Variants in STIM2 observed in about 807,000 individuals in gnomAD.
The protein encoded by STIM2 is stromal interaction molecule 2.
STIM2 carries 31 observed loss-of-function variants against 85.8 expected under a neutral mutation model. The ratio of observed to expected loss-of-function variants is 0.36; its 90% CI spans 0.27 to 0.49. The LOEUF (loss-of-function observed/expected upper bound fraction) is 0.49, where lower values mean the gene tolerates loss of function less well. STIM2 is among the 20% of genes least tolerant of loss of function. The pLI is 0.98. For missense variants in STIM2, 841 were observed against 927.6 expected (o/e 0.91, Z 1.21); for synonymous variants, 356 against 331.1 (o/e 1.08, Z -0.82).
At chr4:26,933,275 A>T (rs1725268883) in intron 2 of STIM2, among the ~76,000 whole-genome samples, 1 of 152,222 alleles carries the variant, frequency 6.6e-6, no homozygotes, top group East Asian at 1.9e-4. Context: ...ACTTAAAGGT[A>T]AATATTAAGG....
intron 1 of STIM2, among the ~76,000 whole-genome samples, chr4:26,893,911 CAG>C (rs1463879045): frequency 4.0e-5 from 6 of 151,814 alleles, no homozygotes; most frequent in Admixed American, 2.6e-4. Flanking sequence ...TTTTTTGAGA[CAG>C]AGTCTTGTTG....
chr4:26,907,915 T>C (rs1724189615), intron 1 of STIM2, among the ~76,000 whole-genome samples: 1 of 152,234 alleles, frequency 6.6e-6, no homozygotes, highest in African/African-American at 2.4e-5. Context: ...GATTCTCCCC[T>C]CTTCCCTTAT....
In STIM2 at chr4:26,976,382, C is replaced by CTT. The variant is rs35434321; in HGVS notation, c.397+18675_397+18676dup. ...GTTCCTATTCGGCCATCTTGGGAGT[C>CTT]TTTTTTTTTTTTTTTTTTTTAGTGG... is the stretch of plus-strand genomic sequence containing the variant. On this transcript the variant is annotated intron_variant, in intron 3 of 11. Coordinates refer to ENST00000467087, the MANE Select transcript of STIM2 (RefSeq NM_020860.4). Among the ~76,000 whole-genome samples the CTT allele has an allele frequency of 6.2e-3, 725 of 116,930 alleles. 13 individuals carry two copies. The highest frequency in any genetic ancestry group is 0.014 in the South Asian group (48 of 3,404). 76.7% of individuals were successfully genotyped at this position (116,930 alleles called of 152,430 possible).
chr4:26,994,855 C>T (rs1010799257), intron 3 of STIM2, among the ~76,000 whole-genome samples: 3 of 152,066 alleles, frequency 2.0e-5, no homozygotes, highest in Non-Finnish European at 4.4e-5. Context: ...GACATCTTTC[C>T]TGCTTTTCTT....
chr4:26,899,177 T>C (rs981798758), intron 1 of STIM2, among the ~76,000 whole-genome samples: 1 of 152,100 alleles, frequency 6.6e-6, no homozygotes, highest in Admixed American at 6.5e-5. Flanking sequence ...CTGTTTTACG[T>C]CTATTCCCAT....
intron 3 of STIM2, among the ~76,000 whole-genome samples, chr4:26,969,393 T>C (rs1230840941): frequency 6.6e-6 from 1 of 152,222 alleles, no homozygotes; most frequent in Non-Finnish European, 1.5e-5. Flanking sequence ...TGTAAGCATA[T>C]AGAATTCTAA....
rs758359161 is a variant in STIM2 at position 26,919,654 on chromosome 4, C to G, written c.282+20C>G. On this transcript the variant is annotated intron_variant, in intron 2 of 11. Coordinates refer to ENST00000467087, the MANE Select transcript of STIM2 (RefSeq NM_020860.4). ...GATGAAGTAGGTGGAAAAATGTTTT[C>G]CTTGCTATTGTCTTAGAACAGAATG... 2 of 1,612,706 alleles carry G rather than the reference C, an allele frequency of 1.2e-6. No homozygotes were observed. The highest frequency in any genetic ancestry group is 4.5e-5 in the East Asian group (2 of 44,748).
intron 1 of STIM2, among the ~76,000 whole-genome samples, chr4:26,872,347 A>G (rs1722654993): frequency 6.6e-6 from 1 of 152,124 alleles, no homozygotes. Flanking sequence ...GTCATTTTGT[A>G]CCTTTATTAT....
intron 10 of STIM2, among the ~76,000 whole-genome samples, chr4:27,009,790 T>G (rs1397057851): frequency 6.6e-6 from 1 of 152,194 alleles, no homozygotes; most frequent in Non-Finnish European, 1.5e-5. Context: ...TATTCTCAGT[T>G]TGTATTTGTT....
intron 3 of STIM2, among the ~76,000 whole-genome samples, chr4:26,993,144 T>G (rs915734444): frequency 1.5e-4 from 23 of 151,790 alleles, no homozygotes; most frequent in African/African-American, 5.1e-4. Flanking sequence ...GCACCATGAG[T>G]TTTTTGGCAG....
chr4:27,009,091 T>C (rs2109137488), intron 10 of STIM2, 89 bp downstream of exon 10: 1 of 1,173,566 alleles, frequency 8.5e-7, no homozygotes, highest in Non-Finnish European at 1.2e-6. Context: ...CTTCGAAATC[T>C]GTGAGAAAAA....
intron 3 of STIM2, among the ~76,000 whole-genome samples, chr4:26,993,790 T>G (rs1370790923): frequency 6.6e-6 from 1 of 152,192 alleles, no homozygotes; most frequent in Non-Finnish European, 1.5e-5. Context: ...ATATCTTTAC[T>G]GTTATTTAGT....
chr4:26,910,552 A>G (rs1724298599), intron 1 of STIM2, among the ~76,000 whole-genome samples: 1 of 151,964 alleles, frequency 6.6e-6, no homozygotes, highest in South Asian at 2.1e-4. Flanking sequence ...AACAAACAAA[A>G]AGCCAAACTA....
chr4:26,999,181 T>C (rs115426657), intron 4 of STIM2, 51 bp from the exon 5 acceptor site: 18,912 of 775,800 alleles, frequency 0.024, 301 homozygotes, highest in Admixed American at 0.03. Flanking sequence ...ATACTAGAAA[T>C]ATTTTCATTT....
intron 3 of STIM2, among the ~76,000 whole-genome samples, chr4:26,962,720 C>T (rs1726528955): frequency 6.6e-6 from 1 of 152,048 alleles, no homozygotes; most frequent in Non-Finnish European, 1.5e-5. Context: ...TTTTGATAAA[C>T]TGGATACATT....
intron 1 of STIM2, among the ~76,000 whole-genome samples, chr4:26,906,445 T>G (rs1417096683): frequency 7.1e-6 from 1 of 140,272 alleles, no homozygotes; most frequent in African/African-American, 2.5e-5. Flanking sequence ...TGTTTGTTTT[T>G]TTTTTTTTTT....
intron 1 of STIM2, among the ~76,000 whole-genome samples, chr4:26,866,408 C>T (rs1722411211): frequency 6.6e-6 from 1 of 152,180 alleles, no homozygotes; most frequent in East Asian, 1.9e-4. Flanking sequence ...GTGATTAGCA[C>T]CACAAGGGAC....
chr4:26,939,064 C>A (rs894444253), intron 2 of STIM2, among the ~76,000 whole-genome samples: 1 of 152,042 alleles, frequency 6.6e-6, no homozygotes, highest in Admixed American at 6.6e-5. Context: ...GTATTTAGTT[C>A]ATTTACTAGG....
intron 11 of STIM2, chr4:27,021,221 C>T: frequency 1.7e-6 from 1 of 604,922 alleles, no homozygotes. Context: ...GTTAATAAGG[C>T]TCCTTGTCCT....
Sources: allele counts gnomAD v4.1 joint callset (sites outside exome capture counted in the v4.1 genomes callset), GRCh38; gene constraint gnomAD v4.1.1; transcripts MANE v1.5; gene names NCBI Gene and HGNC (gene_info 2026-07-23, HGNC 2026-07-21).